Variants in RNF6 observed in about 807,000 individuals in gnomAD.
RNF6 encodes the protein E3 ubiquitin-protein ligase RNF6.
Under a neutral mutation model 50.1 loss-of-function variants are expected in RNF6, and 21 were observed. The ratio of observed to expected loss-of-function variants is 0.42; its 90% CI spans 0.30 to 0.60. The LOEUF is 0.60. RNF6 is among the 20% of genes least tolerant of loss of function. RNF6 has a pLI of 0.20. For missense variants in RNF6, 698 were observed against 838.2 expected (o/e 0.83, Z 2.07); for synonymous variants, 255 against 291.8 (o/e 0.87, Z 1.29).
chr13:26,147,584 C>A (rs79956134), intron 5 of RNF6, among the ~76,000 whole-genome samples: 1 of 152,268 alleles, frequency 6.6e-6, no homozygotes, highest in East Asian at 1.9e-4. Flanking sequence ...ATTTAGGAGT[C>A]AATGTCCTCA....
rs149558875 is a variant in RNF6, at chr13:26,175,957, C to G, written n.768+39517G>C. ...GTGGAGGAGATTGGAACACAGCACT[C>G]TCACATTCCAGGGAAAGCCAGGAGT... On this transcript the variant is annotated intron_variant and non_coding_transcript_variant, in intron 5 of 5. Transcript: ENST00000468480. Among the ~76,000 whole-genome samples, 381 of 152,240 alleles carry G rather than the reference C, an allele frequency of 2.5e-3. 1 individual carries two copies. The highest frequency in any genetic ancestry group is 0.013 in the East Asian group (69 of 5,174).
At chr13:26,202,585 G>A (rs1385657614) in intron 5 of RNF6, among the ~76,000 whole-genome samples, 1 of 152,130 alleles carries the variant, frequency 6.6e-6, no homozygotes, top group Non-Finnish European at 1.5e-5. Flanking sequence ...ATGACACAAG[G>A]CAGCTTCTTA....
chr13:26,167,237 C>A (rs967162034), intron 5 of RNF6, among the ~76,000 whole-genome samples: 2 of 152,096 alleles, frequency 1.3e-5, no homozygotes, highest in Non-Finnish European at 2.9e-5. Flanking sequence ...TTCTGCACAG[C>A]AAAGGAACCT....
chr13:26,162,333 T>C (rs1872251603), intron 5 of RNF6, among the ~76,000 whole-genome samples: 1 of 152,190 alleles, frequency 6.6e-6, no homozygotes, highest in Non-Finnish European at 1.5e-5. Context: ...CTGCTTTTCC[T>C]AGGGAAATCG....
chr13:26,148,774 C>A (rs1871401529), intron 5 of RNF6, among the ~76,000 whole-genome samples: 1 of 148,288 alleles, frequency 6.7e-6, no homozygotes, highest in African/African-American at 2.5e-5. Context: ...TGGCAAATCC[C>A]CAGATCTGCA....
At chr13:26,211,969 A>C (rs559293939), downstream of RNF6, among the ~76,000 whole-genome samples, 5 of 152,232 alleles carry the variant, frequency 3.3e-5, no homozygotes, top group Admixed American at 3.3e-4. Flanking sequence ...AGACCAAACA[A>C]CGTCTTTTTT....
At chr13:26,219,982 C>T (rs2137797769) in intron 2 of RNF6, among the ~76,000 whole-genome samples, 1 of 152,246 alleles carries the variant, frequency 6.6e-6, no homozygotes, top group East Asian at 1.9e-4. Flanking sequence ...AAAAGTTGAT[C>T]CAGAAGTCCT....
At chr13:26,147,845 G>T (rs1871330605) in intron 5 of RNF6, among the ~76,000 whole-genome samples, 2 of 152,156 alleles carry the variant, frequency 1.3e-5, no homozygotes, top group South Asian at 4.1e-4. Context: ...CACTTTAGCT[G>T]GAAATTCAAA....
intron 5 of RNF6, among the ~76,000 whole-genome samples, chr13:26,151,914 G>A (rs564810003): frequency 1.3e-5 from 2 of 152,044 alleles, no homozygotes; most frequent in African/African-American, 2.4e-5. Flanking sequence ...CCCTCTACCC[G>A]TGGACCCCTT....
At chr13:26,159,259 C>A (rs970806330) in intron 5 of RNF6, among the ~76,000 whole-genome samples, 1 of 151,934 alleles carries the variant, frequency 6.6e-6, no homozygotes, top group Non-Finnish European at 1.5e-5. Context: ...CATAGAAGAT[C>A]GAAATTAGAT....
At chr13:26,146,317 T>A (rs1207620824) in intron 5 of RNF6, among the ~76,000 whole-genome samples, 1 of 152,222 alleles carries the variant, frequency 6.6e-6, no homozygotes, top group African/African-American at 2.4e-5. Flanking sequence ...ACACTGCTGT[T>A]CATTATGGTA....
intron 5 of RNF6, among the ~76,000 whole-genome samples, chr13:26,174,310 C>A (rs186504961): frequency 6.6e-6 from 1 of 152,018 alleles, no homozygotes; most frequent in African/African-American, 2.4e-5. Context: ...TGCTGGAGTT[C>A]GGTTATTGTA....
chr13:26,209,869 A>G (rs1471658654), downstream of RNF6, among the ~76,000 whole-genome samples: 1 of 152,192 alleles, frequency 6.6e-6, no homozygotes, highest in Non-Finnish European at 1.5e-5. Context: ...AATATGTCTG[A>G]AAGTCATTAT....
rs566408179 is a variant in RNF6, at chr13:26,173,669, T to C, written n.769-41218A>G. Among the ~76,000 whole-genome samples, 20 of 152,144 alleles carry C rather than the reference T, an allele frequency of 1.3e-4. No individual in the cohort carries two copies. In the South Asian group the frequency reaches 2.5e-3, roughly 19 times the overall value. ...AATAAAAGTGATTTTTGCTTTGCTT[T>C]ATCTCCAGTGATTTATTTCTTTGGA... On this transcript the variant is annotated intron_variant and non_coding_transcript_variant, in intron 5 of 5. Coordinates refer to the RNF6 transcript ENST00000468480.
chr13:26,175,248 T>C (rs1182632077), intron 5 of RNF6, among the ~76,000 whole-genome samples: 2 of 152,152 alleles, frequency 1.3e-5, no homozygotes, highest in African/African-American at 4.8e-5. Flanking sequence ...GCCTGGCTAA[T>C]TTTTGTAGAT....
At chr13:26,157,606 GCCAA>G (rs1442544243) in intron 5 of RNF6, among the ~76,000 whole-genome samples, 2 of 152,080 alleles carry the variant, frequency 1.3e-5, no homozygotes. Flanking sequence ...GGCAAAAAAA[GCCAA>G]ACAAGTCATC....
chr13:26,220,966 G>C (rs1342677497), intron 2 of RNF6, among the ~76,000 whole-genome samples: 1 of 152,018 alleles, frequency 6.6e-6, no homozygotes, highest in Non-Finnish European at 1.5e-5. Flanking sequence ...TTTCACTGTG[G>C]TTATTTTATT....
chr13:26,178,643 G>GTGTGTGT (rs1873087317), intron 5 of RNF6, among the ~76,000 whole-genome samples: 1 of 122,524 alleles, frequency 8.2e-6, no homozygotes, highest in Non-Finnish European at 1.8e-5. Context: ...TGTGTGTGTG[G>GTGTGTGT]TGAGAAAGCT....
chr13:26,202,862 A>G (rs34584161), intron 5 of RNF6, among the ~76,000 whole-genome samples: 31,495 of 152,198 alleles, frequency 0.21, 3,787 homozygotes, highest in East Asian at 0.4. Flanking sequence ...GATATGAGTC[A>G]GCAACAAAAG....
Sources: gnomAD v4.1 joint callset for allele counts (sites outside exome capture counted in the v4.1 genomes callset) on GRCh38, gnomAD v4.1.1 for gene constraint, MANE v1.5 for transcripts, NCBI Gene and HGNC (gene_info 2026-07-23, HGNC 2026-07-21) for gene names.